NBEAL1: variants seen among roughly 807,000 people sequenced by gnomAD.
NBEAL1 encodes the protein neurobeachin-like protein 1.
Under a neutral mutation model 351.3 loss-of-function variants are expected in NBEAL1, and 273 were observed. The observed-to-expected ratio is 0.78, with a 90% CI of 0.70 to 0.86. The LOEUF (loss-of-function observed/expected upper bound fraction) is 0.86. Among genes scored for constraint, NBEAL1 ranks in the 40% least tolerant of loss-of-function variants. NBEAL1 has a pLI of 0.00. For synonymous variants in NBEAL1, 1,050 were observed against 1,086.4 expected (o/e 0.97, Z 0.66); for missense variants, 2,961 against 3,201.3 (o/e 0.92, Z 1.81).
chr2:203,177,089 T>C (rs1219836392), intron 42 of NBEAL1, among the ~76,000 whole-genome samples: 1 of 146,114 alleles, frequency 6.8e-6, no homozygotes, highest in Non-Finnish European at 1.5e-5. Flanking sequence ...AGGTCGAGGC[T>C]ATAGTGAACC....
chr2:203,157,112 C>G (rs912624854), intron 35 of NBEAL1, among the ~76,000 whole-genome samples: 2 of 152,144 alleles, frequency 1.3e-5, no homozygotes, highest in Non-Finnish European at 2.9e-5. Context: ...TCTAGGTTCA[C>G]CACTTCATAG....
intron 7 of NBEAL1, among the ~76,000 whole-genome samples, chr2:203,068,919 C>T (rs568246617): frequency 5.3e-5 from 8 of 151,924 alleles, no homozygotes; most frequent in Admixed American, 1.3e-4. Flanking sequence ...TAGTAGAGAC[C>T]GGGTTTCACC....
Position 203,180,402 on chromosome 2 carries a change from A to T in NBEAL1, c.6485A>T (p.Gln2162Leu). Residue 2162 changes from glutamine (Q) to leucine (L), a missense_variant, in exon 43 of 56, where the codon CAG (glutamine) becomes CTG (leucine). By Grantham distance (113) the Gln-to-Leu change is moderately radical. Transcript: ENST00000683969. Reference protein sequence around the residue: ...QSGRFDCADRQFHSIPATWQA... With the variant: ...QSGRFDCADRLFHSIPATWQA... ...TGCAGGTTTGACTGTGCAGATCGAC[A>T]GTTCCATTCTATTCCTGCTACCTGG... 2 of 1,611,022 alleles carry T rather than the reference A, an allele frequency of 1.2e-6. No homozygotes were observed. The highest frequency in any genetic ancestry group is 1.3e-5 in the African/African-American group (1 of 74,930).
intron 12 of NBEAL1, among the ~76,000 whole-genome samples, chr2:203,102,109 T>A (rs1449771856): frequency 6.6e-6 from 1 of 152,226 alleles, no homozygotes; most frequent in Non-Finnish European, 1.5e-5. Flanking sequence ...GGCTCTTAGC[T>A]TGGATATTGT....
chr2:203,160,378 G>A (rs1199418368), intron 36 of NBEAL1, among the ~76,000 whole-genome samples: 2 of 152,132 alleles, frequency 1.3e-5, no homozygotes, highest in African/African-American at 4.8e-5. Context: ...ACCACGCCCG[G>A]CCTGGTTCTT....
At chr2:203,087,273 A>G (rs1488176884) in intron 10 of NBEAL1, among the ~76,000 whole-genome samples, 5 of 150,578 alleles carry the variant, frequency 3.3e-5, no homozygotes, top group Non-Finnish European at 7.4e-5. Flanking sequence ...TCATATTTTT[A>G]GTAGAGATGG....
chr2:203,077,693 A>G lies in NBEAL1; in HGVS notation c.599-59A>G, dbSNP rs750841711. Reference sequence around the variant, plus strand: ...TGTTTGCATCAGACATTCCTTAGAGATAAATCATACTGTGAAAGACAAATC... The same window carrying G: ...TGTTTGCATCAGACATTCCTTAGAGGTAAATCATACTGTGAAAGACAAATC... On this transcript the variant is annotated intron_variant, in intron 7 of 55. Transcript: ENST00000683969. 30 of 1,033,080 alleles carry G rather than the reference A, an allele frequency of 2.9e-5. No homozygotes were observed. The Admixed American group carries it at 7.2e-4, about 25-fold the overall frequency. 64.0% of individuals were successfully genotyped at this position (1,033,080 alleles called of 1,614,324 possible). A position where few individuals can be genotyped will look rare whatever the true frequency, so the allele number is the denominator to read the frequency against.
At chr2:203,095,095 G>A (rs1286951006) in intron 10 of NBEAL1, among the ~76,000 whole-genome samples, 1 of 151,926 alleles carries the variant, frequency 6.6e-6, no homozygotes, top group Non-Finnish European at 1.5e-5. Context: ...TTGCACTCCA[G>A]CCTGGGCTAC....
At chr2:203,199,812 C>T (rs1045384778) in intron 49 of NBEAL1, among the ~76,000 whole-genome samples, 1 of 152,006 alleles carries the variant, frequency 6.6e-6, no homozygotes, top group East Asian at 1.9e-4. Context: ...CTTCTTCCCT[C>T]CTTCCTCCCT....
Position 203,166,213 on chromosome 2 carries a change from A to T in NBEAL1, c.5779A>T (p.Thr1927Ser). 1.9e-6 allele frequency: 3 copies of T among 1,611,356 alleles called. No homozygotes were observed. Among genetic ancestry groups the T allele is most frequent in the Non-Finnish European group, 2.5e-6 (3 of 1,178,984 alleles). Residue 1927 changes from threonine to serine, a missense_variant, in exon 37 of 56, where the codon ACA (threonine) becomes TCA (serine). Physicochemically the swap from Thr to Ser is moderately conservative, Grantham distance 58. Transcript: ENST00000683969. ...LVLMEDCELI[T>S]IIDVIPGRLE... ...ATTGATGGAAGACTGTGAACTCATT[A>T]CAATAATTGATGTAATTCCTGGCAG...
intron 2 of NBEAL1, among the ~76,000 whole-genome samples, chr2:203,041,368 G>A (rs1314356255): frequency 1.3e-5 from 2 of 152,126 alleles, no homozygotes; most frequent in Non-Finnish European, 2.9e-5. Context: ...AAAGATGAGG[G>A]AGTAGCCATT....
chr2:203,018,423 G>T (rs2060715788), intron 2 of NBEAL1, among the ~76,000 whole-genome samples: 1 of 140,886 alleles, frequency 7.1e-6, no homozygotes, highest in Non-Finnish European at 1.6e-5. Context: ...CTGCTGCTTT[G>T]TTTTGTAACC....
At chr2:203,030,733 A>G (rs1043487010) in intron 2 of NBEAL1, among the ~76,000 whole-genome samples, 3 of 152,224 alleles carry the variant, frequency 2.0e-5, no homozygotes, top group African/African-American at 4.8e-5. Flanking sequence ...GGCAGAGATT[A>G]TAAAATAAAT....
At chr2:203,201,498 A>G (rs374064238) in intron 49 of NBEAL1, 45 bp from the exon 50 acceptor site, 1 of 1,430,026 alleles carries the variant, frequency 7.0e-7, no homozygotes, top group African/African-American at 1.4e-5. Context: ...ACATCAGTAT[A>G]CGTGATCTTG....
At chr2:203,154,414 A>C (rs2063744490) in intron 35 of NBEAL1, among the ~76,000 whole-genome samples, 1 of 152,030 alleles carries the variant, frequency 6.6e-6, no homozygotes, top group South Asian at 2.1e-4. Flanking sequence ...CCTACTCCTT[A>C]GTTTTGTCTA....
chr2:203,134,056 C>G (rs1457007969), intron 27 of NBEAL1, among the ~76,000 whole-genome samples: 1 of 152,050 alleles, frequency 6.6e-6, no homozygotes, highest in African/African-American at 2.4e-5. Flanking sequence ...AATAGAATTG[C>G]TGTTTCAAAG....
intron 14 of NBEAL1, 140 bp from the exon 15 acceptor site, chr2:203,110,010 G>A (rs1490475395): frequency 7.7e-6 from 6 of 774,716 alleles, no homozygotes; most frequent in Admixed American, 3.6e-5. Flanking sequence ...AACAAGGTTG[G>A]ACTTCTGTGT....
chr2:203,184,159 A>G (rs2064824734), intron 44 of NBEAL1, among the ~76,000 whole-genome samples: 2 of 151,868 alleles, frequency 1.3e-5, no homozygotes, highest in Admixed American at 1.3e-4. Flanking sequence ...AGGTGGGCAC[A>G]GTGGCTCACG....
chr2:203,161,355 G>T (rs2106380446), intron 36 of NBEAL1, among the ~76,000 whole-genome samples: 1 of 149,806 alleles, frequency 6.7e-6, no homozygotes, highest in South Asian at 2.1e-4. Context: ...AATAGGCCAG[G>T]CGTGGTGGTT....
Sources: allele counts gnomAD v4.1 joint callset (sites outside exome capture counted in the v4.1 genomes callset), GRCh38; gene constraint gnomAD v4.1.1; transcripts MANE v1.5; gene names NCBI Gene and HGNC (gene_info 2026-07-23, HGNC 2026-07-21).